Variants in NTRK2 observed in about 807,000 individuals in gnomAD.
NTRK2 encodes neurotrophic receptor tyrosine kinase 2.
A neutral mutation model predicts 94.5 loss-of-function variants in NTRK2; 13 were observed. The observed-to-expected ratio is 0.14, with a 90% CI of 0.09 to 0.22. The LOEUF (loss-of-function observed/expected upper bound fraction) is 0.22. Ranked by LOEUF, NTRK2 falls within the 10% of genes least tolerant of loss-of-function variation. The probability of loss-of-function intolerance (pLI) is 1.00; values close to 1 mark genes in which losing one functional copy is unlikely to be tolerated. For missense variants in NTRK2, 639 were observed against 1,071.2 expected (o/e 0.60, Z 5.63); for synonymous variants, 372 against 407.4 (o/e 0.91, Z 1.05).
chr9:84,919,098 G>A lies in NTRK2; in HGVS notation c.1634-15064G>A, dbSNP rs186799711. 2.0e-5 allele frequency among the ~76,000 whole-genome samples: 3 copies of A among 152,200 alleles called. No individual in the cohort carries two copies. The East Asian group carries it at 5.8e-4, about 29-fold the overall frequency. The stretch of plus-strand genomic sequence containing the variant: ...CACCTTGCGTCATACCCCTGATTGA[G>A]CAGAGGAATCCTAGTCCTACCACCC... On this transcript the variant is annotated intron_variant, in intron 14 of 18. Coordinates refer to ENST00000277120, the MANE Select transcript of NTRK2 (RefSeq NM_006180.6).
At chr9:84,868,222 T>A (rs1338466105) in intron 14 of NTRK2, among the ~76,000 whole-genome samples, 2 of 152,184 alleles carry the variant, frequency 1.3e-5, no homozygotes, top group Non-Finnish European at 2.9e-5. Context: ...TGATGTCAGA[T>A]CCCAGAGATT....
At chr9:84,834,593 C>T (rs547397956) in intron 12 of NTRK2, among the ~76,000 whole-genome samples, 16 of 152,064 alleles carry the variant, frequency 1.1e-4, no homozygotes, top group African/African-American at 2.7e-4. Flanking sequence ...CATTTCAAAT[C>T]GGAGGGGTGT....
intron 9 of NTRK2, among the ~76,000 whole-genome samples, chr9:84,734,101 G>A (rs1410683471): frequency 9.9e-5 from 15 of 152,046 alleles, no homozygotes; most frequent in Non-Finnish European, 1.9e-4. Flanking sequence ...TTAACACCTT[G>A]GAGTGTGAAG....
chr9:84,821,320 TAC>T (rs879336780), intron 12 of NTRK2, among the ~76,000 whole-genome samples: 156 of 78,938 alleles, frequency 2.0e-3, no homozygotes, highest in Middle Eastern at 0.013. Flanking sequence ...CACAAGAATT[TAC>T]ACACACACAC....
chr9:84,875,912 G>A lies in NTRK2; in HGVS notation c.1633+8481G>A, dbSNP rs199973835. 150 of 1,037,172 alleles carry A rather than the reference G, an allele frequency of 1.4e-4. No homozygotes were observed. In the African/African-American group the frequency reaches 2.2e-3, roughly 15 times the overall value. 64.2% of individuals were successfully genotyped at this position (1,037,172 alleles called of 1,614,324 possible). On this transcript the variant is annotated intron_variant, in intron 14 of 18. Transcript: ENST00000277120. ...TAAGTTTAAGAGATTATAAAAATGA[G>A]TTCAAATGAATAAGTTCCTGTGATG... is the stretch of plus-strand genomic sequence containing the variant.
intron 17 of NTRK2, among the ~76,000 whole-genome samples, chr9:84,966,020 C>G (rs908466036): frequency 1.8e-4 from 28 of 152,148 alleles, no homozygotes; most frequent in African/African-American, 6.5e-4. Context: ...AGTGGCTTTC[C>G]CTGTTGATCA....
chr9:84,869,043 G>C (rs1350238319), intron 14 of NTRK2, among the ~76,000 whole-genome samples: 1 of 152,134 alleles, frequency 6.6e-6, no homozygotes, highest in African/African-American at 2.4e-5. Flanking sequence ...AAGAGAAATC[G>C]AACAAACGAG....
At chr9:84,750,213 C>T (rs2064462044) in intron 11 of NTRK2, among the ~76,000 whole-genome samples, 1 of 152,056 alleles carries the variant, frequency 6.6e-6, no homozygotes, top group South Asian at 2.1e-4. Context: ...GTACTTTCCC[C>T]CTCGTTGTGA....
intron 6 of NTRK2, among the ~76,000 whole-genome samples, chr9:84,712,775 T>C (rs1288823262): frequency 6.6e-6 from 1 of 152,240 alleles, no homozygotes; most frequent in East Asian, 1.9e-4. Context: ...CCATTTCTCC[T>C]AACCATTTCA....
chr9:84,954,804 G>T (rs776754381), intron 16 of NTRK2, among the ~76,000 whole-genome samples: 1 of 152,194 alleles, frequency 6.6e-6, no homozygotes, highest in Non-Finnish European at 1.5e-5. Flanking sequence ...GGATACTCTG[G>T]CATAGCCTGG....
At chr9:84,799,843 C>A (rs2070176168) in intron 12 of NTRK2, among the ~76,000 whole-genome samples, 1 of 152,108 alleles carries the variant, frequency 6.6e-6, no homozygotes, top group South Asian at 2.1e-4. Context: ...GGTTTAGCTT[C>A]CCCTGGAAAA....
intron 2 of NTRK2, among the ~76,000 whole-genome samples, chr9:84,672,543 G>T (rs2058764839): frequency 6.6e-6 from 1 of 152,152 alleles, no homozygotes; most frequent in African/African-American, 2.4e-5. Flanking sequence ...GAGTGCTTCT[G>T]ACTGTTTTGA....
At chr9:84,736,385 C>A (rs550278336) in intron 9 of NTRK2, among the ~76,000 whole-genome samples, 1 of 152,300 alleles carries the variant, frequency 6.6e-6, no homozygotes, top group Admixed American at 6.5e-5. Flanking sequence ...TCGAAAGATT[C>A]ATGACATCTG....
intron 9 of NTRK2, among the ~76,000 whole-genome samples, chr9:84,735,653 A>T (rs1374244426): frequency 6.6e-6 from 1 of 152,218 alleles, no homozygotes; most frequent in East Asian, 1.9e-4. Context: ...GAGTGAACAA[A>T]AAGTAGAGAC....
At chr9:84,862,077 G>A (rs2132003210) in intron 13 of NTRK2, among the ~76,000 whole-genome samples, 1 of 152,300 alleles carries the variant, frequency 6.6e-6, no homozygotes, top group Non-Finnish European at 1.5e-5. Context: ...TGGCCAGATG[G>A]GGCCTGGAGG....
chr9:84,735,179 C>T (rs73651115), intron 9 of NTRK2, among the ~76,000 whole-genome samples: 2,143 of 152,050 alleles, frequency 0.014, 52 homozygotes, highest in African/African-American at 0.05. Flanking sequence ...AAAGTGAGAC[C>T]CCGTGTCTAT....
intron 12 of NTRK2, among the ~76,000 whole-genome samples, chr9:84,857,160 T>C (rs2075106457): frequency 6.6e-6 from 1 of 152,202 alleles, no homozygotes; most frequent in South Asian, 2.1e-4. Context: ...GAGTTGTTAA[T>C]GTGTTTACAT....
Position 84,785,932 on chromosome 9 carries a change from C to T in NTRK2, c.1396+33847C>T, listed in dbSNP as rs546471523. On this transcript the variant is annotated intron_variant, in intron 12 of 18. Coordinates refer to ENST00000277120, the MANE Select transcript of NTRK2 (RefSeq NM_006180.6). ...GCCAAGCTGGTGACTTGCACACAAG[C>T]GCCATGCTATCAGAGCCTCTCCCCA... Among the ~76,000 whole-genome samples the T allele has an allele frequency of 5.3e-5, 8 of 152,216 alleles. No individual in the cohort carries two copies. The South Asian group carries it at 6.2e-4, about 12-fold the overall frequency.
intron 17 of NTRK2, among the ~76,000 whole-genome samples, chr9:84,960,093 T>C (rs1824721317): frequency 6.6e-6 from 1 of 152,222 alleles, no homozygotes; most frequent in Non-Finnish European, 1.5e-5. Flanking sequence ...AAGTGATTTA[T>C]AGTAGACATT....
Sources: allele counts gnomAD v4.1 joint callset (sites outside exome capture counted in the v4.1 genomes callset), GRCh38; gene constraint gnomAD v4.1.1; transcripts MANE v1.5; gene names NCBI Gene and HGNC (gene_info 2026-07-23, HGNC 2026-07-21).